PFKFB3: variants seen among roughly 807,000 people sequenced by gnomAD.
The protein encoded by PFKFB3 is 6-phosphofructo-2-kinase/fructose-2,6-biphosphatase 3.
PFKFB3 carries 33 observed loss-of-function variants against 68.0 expected under a neutral mutation model. The observed-to-expected ratio is 0.49, with a 90% CI of 0.37 to 0.65. The LOEUF (loss-of-function observed/expected upper bound fraction) is 0.65. Ranked by LOEUF, PFKFB3 falls within the 30% of genes least tolerant of loss-of-function variation. The pLI is 0.00. For missense variants in PFKFB3, 586 were observed against 712.2 expected, an observed-to-expected ratio of 0.82 and a Z score of 2.02; for synonymous variants, 315 against 288.2, an observed-to-expected ratio of 1.09 and a Z score of -0.94.
chr10:6,186,993 G>A (rs1178539576), intron 1 of PFKFB3, among the ~76,000 whole-genome samples: 2 of 152,232 alleles, frequency 1.3e-5, no homozygotes, highest in East Asian at 3.9e-4. Context: ...GCGGGGAGGT[G>A]TGCCGCCACG....
the PFKFB3 span, among the ~76,000 whole-genome samples, chr10:6,272,617 C>T: frequency 2.0e-5 from 3 of 152,018 alleles, no homozygotes; most frequent in Non-Finnish European, 4.4e-5. Context: ...ATTGTTTGAA[C>T]CCGGGAGGCA....
chr10:6,208,553 T>C (rs1843952437), intron 1 of PFKFB3, among the ~76,000 whole-genome samples: 1 of 152,104 alleles, frequency 6.6e-6, no homozygotes, highest in Non-Finnish European at 1.5e-5. Flanking sequence ...GCTGGTGTTC[T>C]AGCTTAAGGA....
chr10:6,196,908 GCTGGGATTACAGGC>G (rs140560859), intron 1 of PFKFB3, among the ~76,000 whole-genome samples: 4,656 of 152,004 alleles, frequency 0.031, 202 homozygotes, highest in African/African-American at 0.1. Flanking sequence ...CTCCCAAAGT[GCTGGGATTACAGGC>G]CTGAGCCACT....
chr10:6,157,768 C>T (rs1014070150), intron 1 of PFKFB3, among the ~76,000 whole-genome samples: 1 of 152,184 alleles, frequency 6.6e-6, no homozygotes, highest in Non-Finnish European at 1.5e-5. Flanking sequence ...GTCATGTTAT[C>T]ATGACTGCTT....
downstream of PFKFB3, among the ~76,000 whole-genome samples, chr10:6,240,356 C>T (rs952501027): frequency 6.6e-6 from 1 of 152,132 alleles, no homozygotes; most frequent in Admixed American, 6.6e-5. Flanking sequence ...ACTCCGCCTC[C>T]TGGGTTCAAG....
At chr10:6,150,531 C>G (rs921193586) in intron 1 of PFKFB3, among the ~76,000 whole-genome samples, 2 of 151,714 alleles carry the variant, frequency 1.3e-5, no homozygotes, top group Non-Finnish European at 2.9e-5. Context: ...GACTGAGGCA[C>G]GAGAATCACT....
At chr10:6,224,758 A>T in intron 13 of PFKFB3, 1 of 323,796 alleles carries the variant, frequency 3.1e-6, no homozygotes, top group South Asian at 2.5e-5. Flanking sequence ...AAGTGCTAGG[A>T]TAAAGGTGTG....
the PFKFB3 span, among the ~76,000 whole-genome samples, chr10:6,324,371 C>A: frequency 1.3e-5 from 2 of 152,170 alleles, no homozygotes; most frequent in African/African-American, 4.8e-5. Flanking sequence ...TTCAGTTTTA[C>A]AACAGGAAAA....
intron 1 of PFKFB3, among the ~76,000 whole-genome samples, chr10:6,155,013 G>A (rs1841724867): frequency 6.6e-6 from 1 of 152,162 alleles, no homozygotes; most frequent in Admixed American, 6.5e-5. Context: ...CCAGTAAGCA[G>A]CCTTCCAGAA....
chr10:6,299,754 C>A, the PFKFB3 span, among the ~76,000 whole-genome samples: 1 of 152,140 alleles, frequency 6.6e-6, no homozygotes, highest in Non-Finnish European at 1.5e-5. Context: ...AACTTCTACC[C>A]TTCCTTCAAA....
intron 1 of PFKFB3, among the ~76,000 whole-genome samples, chr10:6,183,669 T>C (rs977667926): frequency 3.4e-5 from 5 of 149,148 alleles, no homozygotes; most frequent in East Asian, 2.0e-4. Context: ...CATGTATAGT[T>C]TTGAAAGCAG....
At chr10:6,318,300 G>A in the PFKFB3 span, among the ~76,000 whole-genome samples, 1 of 152,214 alleles carries the variant, frequency 6.6e-6, no homozygotes, top group Admixed American at 6.5e-5. Flanking sequence ...CCTCCGTGAT[G>A]AGGACAACCA....
the PFKFB3 span, among the ~76,000 whole-genome samples, chr10:6,313,341 A>G: frequency 6.6e-6 from 1 of 152,220 alleles, no homozygotes; most frequent in African/African-American, 2.4e-5. The surrounding 1 kb of genome is among the most constrained non-coding windows in gnomAD (Gnocchi z 4.2). Context: ...ACTATCATTC[A>G]TTTAATTTCA....
upstream of PFKFB3, among the ~76,000 whole-genome samples, chr10:6,200,680 G>T (rs1843315929): frequency 1.5e-5 from 2 of 135,256 alleles, no homozygotes; most frequent in African/African-American, 2.7e-5. Context: ...GGGGGGCGGG[G>T]GGTGGTGGTG....
chr10:6,173,915 C>T (rs527731636), intron 1 of PFKFB3, among the ~76,000 whole-genome samples: 6 of 152,034 alleles, frequency 3.9e-5, no homozygotes, highest in African/African-American at 9.7e-5. Flanking sequence ...TGGACGCAAA[C>T]GGGAGGCGGG....
intron 1 of PFKFB3, among the ~76,000 whole-genome samples, chr10:6,177,939 G>A (rs367815114): frequency 2.3e-4 from 35 of 152,302 alleles, no homozygotes; most frequent in African/African-American, 8.4e-4. Flanking sequence ...GGGCACGTGG[G>A]GTGGACACGT....
At chr10:6,282,761 C>T in the PFKFB3 span, among the ~76,000 whole-genome samples, 2 of 152,168 alleles carry the variant, frequency 1.3e-5, no homozygotes, top group African/African-American at 4.8e-5. Flanking sequence ...TGAGTTTACC[C>T]TGACTTGGCA....
chr10:6,228,211 G>A lies in PFKFB3; in HGVS notation c.1515+1846G>A, dbSNP rs1470926584. On this transcript the variant is annotated intron_variant, in intron 14 of 14. Coordinates refer to ENST00000379775, the MANE Select transcript of PFKFB3 (RefSeq NM_004566.4). This position sits in a 1 kb window ranked among gnomAD's most constrained non-coding sequence, Gnocchi z 4.5. ...TCCTCCGCAGCCTTTGCTAGGGCAA[G>A]CCTGTCTGTAAGTATCTCTCCGATC... 7 of 1,612,670 alleles carry A rather than the reference G, an allele frequency of 4.3e-6. No individual in the cohort carries two copies. Among genetic ancestry groups the A allele is most frequent in the Non-Finnish European group, 5.9e-6 (7 of 1,179,898 alleles).
the PFKFB3 span, among the ~76,000 whole-genome samples, chr10:6,325,508 T>A: frequency 7.2e-5 from 11 of 152,296 alleles, no homozygotes; most frequent in East Asian, 2.1e-3. Context: ...TGAATATTTA[T>A]CAATTTAAAG....
Sources: allele counts gnomAD v4.1 joint callset (sites outside exome capture counted in the v4.1 genomes callset), GRCh38; gene constraint gnomAD v4.1.1; non-coding constraint Gnocchi (gnomAD v3.1); transcripts MANE v1.5; gene names NCBI Gene and HGNC (gene_info 2026-07-23, HGNC 2026-07-21).